The following OTUD7A variants were observed in gnomAD, a reference collection of about 807,000 sequenced individuals.
The protein encoded by OTUD7A is OTU deubiquitinase 7A.
Under a neutral mutation model 65.7 loss-of-function variants are expected in OTUD7A, and 12 were observed. The ratio of observed to expected loss-of-function variants is 0.18; its 90% CI spans 0.12 to 0.30. The LOEUF is 0.30. OTUD7A is among the 10% of genes least tolerant of loss of function. OTUD7A has a pLI of 1.00. For missense variants in OTUD7A, 1,148 were observed against 1,304.8 expected, an observed-to-expected ratio of 0.88 and a Z score of 1.85; for synonymous variants, 641 against 586.3, an observed-to-expected ratio of 1.09 and a Z score of -1.35.
intron 9 of OTUD7A, 59 bp from the exon 10 acceptor site, chr15:31,501,898 G>A: frequency 1.3e-6 from 2 of 1,538,596 alleles, no homozygotes; most frequent in East Asian, 4.5e-5. Context: ...TGGGAGGGGA[G>A]GCCCCTGCAT....
chr15:31,593,385 A>G (rs1257119388), intron 3 of OTUD7A, among the ~76,000 whole-genome samples: 2 of 152,104 alleles, frequency 1.3e-5, no homozygotes, highest in Non-Finnish European at 2.9e-5. Flanking sequence ...GGGCAGCAGC[A>G]TCTCGGGGCT....
intron 1 of OTUD7A, among the ~76,000 whole-genome samples, chr15:31,695,914 G>T (rs945034731): frequency 2.0e-5 from 3 of 151,502 alleles, no homozygotes; most frequent in Non-Finnish European, 4.4e-5. Flanking sequence ...CACTAGGCAG[G>T]CATTGCTAAC....
Position 31,540,425 on chromosome 15 carries a change from T to C in OTUD7A, c.551-9617A>G, listed in dbSNP as rs531580669. On this transcript the variant is annotated intron_variant, in intron 5 of 12. Transcript: ENST00000307050. ...TGGACTAGAGTGTCTAAGGTAGTCATCAGAGAGGCAGCCAGCAGACTGGTT... is the reference window on the plus strand; with the variant it reads ...TGGACTAGAGTGTCTAAGGTAGTCACCAGAGAGGCAGCCAGCAGACTGGTT... Among the ~76,000 whole-genome samples, 29 of 152,290 alleles carry C rather than the reference T, an allele frequency of 1.9e-4. 1 individual carries two copies. The South Asian group carries it at 5.6e-3, about 29-fold the overall frequency.
At chr15:31,824,410 A>G in intron 1 of OTUD7A, among the ~76,000 whole-genome samples, 1 of 152,224 alleles carries the variant, frequency 6.6e-6, no homozygotes, top group East Asian at 1.9e-4. Flanking sequence ...AGCATTCGGC[A>G]AGTCATATTT....
intron 3 of OTUD7A, among the ~76,000 whole-genome samples, chr15:31,584,692 CA>C (rs1889475579): frequency 6.6e-6 from 1 of 152,186 alleles, no homozygotes; most frequent in Non-Finnish European, 1.5e-5. Flanking sequence ...TCACCAGCAG[CA>C]ACTAATGCTG....
At chr15:31,486,267 G>A (rs1440342529) in intron 12 of OTUD7A, among the ~76,000 whole-genome samples, 5 of 152,266 alleles carry the variant, frequency 3.3e-5, no homozygotes, top group South Asian at 4.2e-4. Flanking sequence ...CCTTTGAGAC[G>A]CAGGACTCAA....
chr15:31,524,996 G>C (rs1323017900), intron 8 of OTUD7A, among the ~76,000 whole-genome samples: 1 of 152,168 alleles, frequency 6.6e-6, no homozygotes, highest in South Asian at 2.1e-4. Flanking sequence ...CTGGATGGGG[G>C]TACTCAGGAG....
chr15:31,715,482 T>C (rs536357162), intron 1 of OTUD7A, among the ~76,000 whole-genome samples: 29 of 151,824 alleles, frequency 1.9e-4, no homozygotes, highest in African/African-American at 6.8e-4. Flanking sequence ...CTTCTCTGAC[T>C]TCCTTGCTGA....
chr15:31,739,736 G>A (rs889188001), intron 1 of OTUD7A, among the ~76,000 whole-genome samples: 7 of 152,066 alleles, frequency 4.6e-5, no homozygotes, highest in African/African-American at 1.4e-4. Flanking sequence ...GGGATTACAG[G>A]CATGCACCAC....
At chr15:31,552,837 G>T (rs1297115568) in intron 5 of OTUD7A, among the ~76,000 whole-genome samples, 1 of 152,244 alleles carries the variant, frequency 6.6e-6, no homozygotes, top group Non-Finnish European at 1.5e-5. Flanking sequence ...GCACAGCAAG[G>T]ATGGGAAGGC....
intron 1 of OTUD7A, among the ~76,000 whole-genome samples, chr15:31,713,088 T>C (rs1156976184): frequency 1.3e-5 from 2 of 152,184 alleles, no homozygotes; most frequent in East Asian, 1.9e-4. Context: ...AATGACATTG[T>C]GGAGTATTTG....
At chr15:31,638,378 CTT>C (rs34239466) in intron 3 of OTUD7A, among the ~76,000 whole-genome samples, 4,705 of 134,484 alleles carry the variant, frequency 0.035, 144 homozygotes, top group African/African-American at 0.11. Flanking sequence ...ATAAAGATAA[CTT>C]TTTTTTTTTT....
In OTUD7A at chr15:31,527,229, T is replaced by G. The variant is rs542835665; in HGVS notation, c.732A>C (p.Glu244Asp). 1.2e-6 allele frequency: 2 copies of G among 1,614,206 alleles called. No individual in the cohort carries two copies. The highest frequency in any genetic ancestry group is 2.2e-5 in the South Asian group (2 of 91,080). Residue 244 changes from glutamate (E) to aspartate (D), a missense_variant, in exon 7 of 13, where the codon GAA becomes GAC. Around this residue, in one of 6 missense-constraint regions of OTUD7A, gnomAD observed 134 missense variants for 252.6 expected, o/e 0.53. Coordinates refer to ENST00000307050, the MANE Select transcript of OTUD7A (RefSeq NM_001382637.1). Reference sequence around the variant, plus strand: ...GCCACCTCCACCTCCGCTTCAGGGCTTCCCTCTCAGCTCCCGTCCTCATCA... The same window carrying G: ...GCCACCTCCACCTCCGCTTCAGGGCGTCCCTCTCAGCTCCCGTCCTCATCA... ...YTMMRTGAER[E>D]ALKRRWRWQQ...
chr15:31,635,580 G>A lies in OTUD7A; in HGVS notation c.151+19516C>T, dbSNP rs182354028. 2.6e-4 allele frequency among the ~76,000 whole-genome samples: 39 copies of A among 152,284 alleles called. No homozygotes were observed. The East Asian group carries it at 5.6e-3, about 22-fold the overall frequency. On this transcript the variant is annotated intron_variant, in intron 3 of 12. Transcript: ENST00000307050. ...GCTTCCAGGGAGGGTGTATGAAGGC[G>A]CTAACTCCAACCTGGATGTTTTAGA... is the stretch of plus-strand genomic sequence containing the variant.
At chr15:31,721,826 G>A (rs928728203) in intron 1 of OTUD7A, among the ~76,000 whole-genome samples, 8 of 152,284 alleles carry the variant, frequency 5.3e-5, no homozygotes, top group South Asian at 2.1e-4. Context: ...GCTGTGTCAC[G>A]GGACTGAAGG....
intron 1 of OTUD7A, among the ~76,000 whole-genome samples, chr15:31,662,231 C>A (rs1458236126): frequency 3.3e-5 from 5 of 152,254 alleles, no homozygotes; most frequent in African/African-American, 9.6e-5. Context: ...AGCTGGAATT[C>A]TTAAAGGGAA....
At chr15:31,565,930 C>G (rs187494734) in intron 4 of OTUD7A, among the ~76,000 whole-genome samples, 1 of 152,128 alleles carries the variant, frequency 6.6e-6, no homozygotes. Flanking sequence ...CGGTGGCTCA[C>G]GCCTGTAATC....
chr15:31,823,048 T>C (rs1240524945), intron 1 of OTUD7A, among the ~76,000 whole-genome samples: 1 of 152,248 alleles, frequency 6.6e-6, no homozygotes, highest in Admixed American at 6.5e-5. Flanking sequence ...GTTCAAAGGA[T>C]GTTCCAGCTA....
chr15:31,657,037 G>T lies in OTUD7A; in HGVS notation c.-59C>A, dbSNP rs1892013417. Reference sequence around the variant, plus strand: ...GATTTCTTCCTTCTCTCCATGCACTGGGGCCTCGGCCGGGAGAGTCTCTTC... The same window carrying T: ...GATTTCTTCCTTCTCTCCATGCACTTGGGCCTCGGCCGGGAGAGTCTCTTC... On this transcript the variant is annotated 5_prime_UTR_variant, in exon 2 of 13. Transcript: ENST00000307050. 1 of 152,662 alleles carries T rather than the reference G, an allele frequency of 6.6e-6. No individual in the cohort carries two copies. The highest frequency in any genetic ancestry group is 2.1e-4 in the South Asian group (1 of 4,832). The allele number at this position is 152,662 out of a possible 1,614,324, so 9.5% of individuals were successfully genotyped here.
Sources: gnomAD v4.1 joint callset for allele counts (sites outside exome capture counted in the v4.1 genomes callset) on GRCh38, gnomAD v4.1.1 for gene constraint, gnomAD v4.1.1 regional missense constraint, MANE v1.5 for transcripts, NCBI Gene and HGNC (gene_info 2026-07-23, HGNC 2026-07-21) for gene names.